The following RSPH4A variants were observed in gnomAD, a reference collection of about 807,000 sequenced individuals.
RSPH4A encodes the protein radial spoke head protein 4 homolog A.
RSPH4A carries 47 observed loss-of-function variants against 71.0 expected under a neutral mutation model. That is an observed-to-expected ratio of 0.66 (90% CI 0.52 to 0.84). The LOEUF (loss-of-function observed/expected upper bound fraction) is 0.84, where lower values mean the gene tolerates loss of function less well. Ranked by LOEUF, RSPH4A falls within the 40% of genes least tolerant of loss-of-function variation. RSPH4A has a pLI of 0.00. For missense variants in RSPH4A, 793 were observed against 855.2 expected (o/e 0.93, Z 0.91); for synonymous variants, 282 against 302.3 (o/e 0.93, Z 0.70).
intron 1 of RSPH4A, among the ~76,000 whole-genome samples, chr6:116,620,695 T>C (rs1404206058): frequency 6.6e-6 from 1 of 152,322 alleles, no homozygotes; most frequent in East Asian, 1.9e-4. Context: ...CACATATATA[T>C]ATTATATTGA....
intron 2 of RSPH4A, among the ~76,000 whole-genome samples, chr6:116,624,680 A>G (rs1214850202): frequency 3.9e-5 from 6 of 152,184 alleles, no homozygotes; most frequent in Non-Finnish European, 8.8e-5. Flanking sequence ...TATGAGCTAT[A>G]TGACCAACCT....
At chr6:116,626,346 TTTTTC>T (rs1775692225) in intron 2 of RSPH4A, among the ~76,000 whole-genome samples, 1 of 151,820 alleles carries the variant, frequency 6.6e-6, no homozygotes, top group Non-Finnish European at 1.5e-5. Flanking sequence ...TGTGTTTCTT[TTTTTC>T]TTTTTCTTTT....
chr6:116,628,635 G>A (rs1024335230), intron 3 of RSPH4A, among the ~76,000 whole-genome samples: 30 of 152,206 alleles, frequency 2.0e-4, no homozygotes, highest in Admixed American at 1.2e-3. Flanking sequence ...TCTATGGAGC[G>A]TTTGACAGAT....
rs576610212 is a variant in RSPH4A at position 116,616,612 on chromosome 6, T to TCCA, written c.-12_-11insCCA. The TCCA allele has an allele frequency of 8.0e-4, 1,278 of 1,606,248 alleles. 9 individuals are homozygous for TCCA. The African/African-American group carries it at 0.015, about 19-fold the overall frequency. ...CTTTCATCCAGAACATTTTTTTTCT[T>TCCA]GAACTGCTTCCATGGAGGACTCAAC... On this transcript the variant is annotated 5_prime_UTR_variant, in exon 1 of 6. Transcript: ENST00000229554.
At chr6:116,621,620 G>T (rs1194376027) in intron 1 of RSPH4A, among the ~76,000 whole-genome samples, 1 of 152,140 alleles carries the variant, frequency 6.6e-6, no homozygotes, top group Non-Finnish European at 1.5e-5. Flanking sequence ...TGATTTTGGG[G>T]AATGACTTAA....
intron 4 of RSPH4A, among the ~76,000 whole-genome samples, chr6:116,630,103 C>T (rs886938232): frequency 1.3e-5 from 2 of 152,208 alleles, no homozygotes; most frequent in East Asian, 3.8e-4. Context: ...TTTGTGCTTG[C>T]AACCCTTGAT....
At chr6:116,629,742 CAATAT>C (rs1201809881) in intron 4 of RSPH4A, 40 bp downstream of exon 4, 2 of 1,538,720 alleles carry the variant, frequency 1.3e-6, no homozygotes, top group Non-Finnish European at 1.8e-6. Flanking sequence ...GACACACAAA[CAATAT>C]AATATACTGT....
Position 116,616,617 on chromosome 6 carries a change from T to C in RSPH4A, c.-7T>C. 2 of 1,609,612 alleles carry C rather than the reference T, an allele frequency of 1.2e-6. No individual in the cohort carries two copies. The highest frequency in any genetic ancestry group is 1.7e-6 in the Non-Finnish European group (2 of 1,177,266). On this transcript the variant is annotated 5_prime_UTR_variant, in exon 1 of 6. Coordinates refer to ENST00000229554, the MANE Select transcript of RSPH4A (RefSeq NM_001010892.3). ...ATCCAGAACATTTTTTTTCTTGAAC[T>C]GCTTCCATGGAGGACTCAACCTCCC...
intron 3 of RSPH4A, 112 bp from the exon 4 acceptor site, chr6:116,629,455 A>ATGAG: frequency 9.0e-7 from 1 of 1,105,102 alleles, no homozygotes; most frequent in Admixed American, 1.8e-5. Flanking sequence ...GAATGAATGA[A>ATGAG]TAATTGATTA....
At chr6:116,617,794 C>G (rs982348498) in intron 1 of RSPH4A, among the ~76,000 whole-genome samples, 3 of 152,120 alleles carry the variant, frequency 2.0e-5, no homozygotes, top group African/African-American at 7.2e-5. Flanking sequence ...AGTTCTTTAT[C>G]CTAAGAAACC....
chr6:116,627,114 A>G (rs1775708153), intron 2 of RSPH4A, among the ~76,000 whole-genome samples: 1 of 152,250 alleles, frequency 6.6e-6, no homozygotes, highest in African/African-American at 2.4e-5. Flanking sequence ...GCTATTATAC[A>G]TTAATGAGTA....
rs764547571 is a variant in RSPH4A, at chr6:116,617,154, A to G, written c.531A>G (p.Arg177=). 6.2e-7 allele frequency: 1 copy of G among 1,614,200 alleles called. No homozygotes were observed. The highest frequency in any genetic ancestry group is 8.5e-7 in the Non-Finnish European group (1 of 1,180,032). The change falls in exon 1 of 6, where the codon AGA becomes AGG. Residue 177 remains arginine (R), a synonymous_variant. Transcript: ENST00000229554. ...ACAACGCTAAACAGAAAGAGCTGAG[A>G]TTTGACGTTTTTCAGGAGGAAGACT... The part of the protein sequence containing the change: ...SYNNAKQKEL[R]FDVFQEEDSN...
chr6:116,631,281 A>C (rs1775800325), intron 5 of RSPH4A, among the ~76,000 whole-genome samples: 1 of 152,246 alleles, frequency 6.6e-6, no homozygotes, highest in Non-Finnish European at 1.5e-5. Flanking sequence ...GCCAGGTGTT[A>C]GAGTAGCCAT....
intron 1 of RSPH4A, among the ~76,000 whole-genome samples, chr6:116,620,914 A>G (rs959308165): frequency 2.6e-5 from 4 of 152,156 alleles, no homozygotes; most frequent in African/African-American, 9.7e-5. Context: ...GCTGGAGTGC[A>G]GTGGCACAAT....
Position 116,632,540 on chromosome 6 carries a change from T to TA in RSPH4A, c.*100dup. The TA allele has an allele frequency of 7.1e-7, 1 of 1,401,778 alleles. No individual in the cohort carries two copies. Among genetic ancestry groups the TA allele is most frequent in the Non-Finnish European group, 9.7e-7 (1 of 1,034,598 alleles). 86.8% of individuals were successfully genotyped at this position (1,401,778 alleles called of 1,614,324 possible). The stretch of plus-strand genomic sequence containing the variant: ...TTTCTGTGTTATGTGTGTATATACA[T>TA]ACACATGTAAGAAATTATTCAACTG... On this transcript the variant is annotated 3_prime_UTR_variant, in exon 6 of 6. Coordinates refer to ENST00000229554, the MANE Select transcript of RSPH4A (RefSeq NM_001010892.3).
chr6:116,625,587 C>A (rs1386617226), intron 2 of RSPH4A, among the ~76,000 whole-genome samples: 1 of 152,070 alleles, frequency 6.6e-6, no homozygotes, highest in East Asian at 1.9e-4. Context: ...CAGAGGAGAA[C>A]GTTAGAAGCC....
chr6:116,625,641 T>C (rs931670075), intron 2 of RSPH4A, among the ~76,000 whole-genome samples: 3 of 152,132 alleles, frequency 2.0e-5, no homozygotes, highest in African/African-American at 7.2e-5. Flanking sequence ...TAATACAGTA[T>C]AACTGAATAC....
intron 2 of RSPH4A, among the ~76,000 whole-genome samples, chr6:116,624,280 G>A (rs1694457396): frequency 1.3e-5 from 2 of 152,200 alleles, no homozygotes; most frequent in Non-Finnish European, 2.9e-5. Flanking sequence ...TCAACAAGGT[G>A]GCAGTTGGTT....
intron 1 of RSPH4A, among the ~76,000 whole-genome samples, chr6:116,618,609 G>GA (rs1775549670): frequency 1.3e-5 from 2 of 152,168 alleles, no homozygotes; most frequent in Non-Finnish European, 2.9e-5. Context: ...TGCCTCCTGG[G>GA]TTCAAGCGAT....
Sources: gnomAD v4.1 joint callset for allele counts (sites outside exome capture counted in the v4.1 genomes callset) on GRCh38, gnomAD v4.1.1 for gene constraint, MANE v1.5 for transcripts, NCBI Gene and HGNC (gene_info 2026-07-23, HGNC 2026-07-21) for gene names.